Variants in CHID1 observed in about 807,000 individuals in gnomAD.
CHID1 encodes chitinase domain-containing protein 1.
CHID1 carries 44 observed loss-of-function variants against 55.4 expected under a neutral mutation model. That is an observed-to-expected ratio of 0.79 (90% CI 0.62 to 1.02). The LOEUF (loss-of-function observed/expected upper bound fraction) is 1.02. CHID1 is among the 50% of genes least tolerant of loss of function. The pLI is 0.00. For synonymous variants in CHID1, 216 were observed against 212.9 expected (o/e 1.01, Z -0.13); for missense variants, 491 against 515.3 (o/e 0.95, Z 0.46).
intron 8 of CHID1, among the ~76,000 whole-genome samples, chr11:888,640 C>CG (rs1565179987): frequency 1.3e-5 from 2 of 152,328 alleles, no homozygotes; most frequent in South Asian, 4.1e-4. Flanking sequence ...ACGAAAGCCC[C>CG]GGGAGGAAGG....
chr11:888,255 G>A (rs540327370), intron 8 of CHID1, among the ~76,000 whole-genome samples: 2 of 152,370 alleles, frequency 1.3e-5, no homozygotes, highest in African/African-American at 2.4e-5. Flanking sequence ...ATTCAGAGGC[G>A]GAAGCAGCTC....
At chr11:899,235 G>C (rs943873528) in intron 7 of CHID1, 105 bp downstream of exon 7, 1 of 1,098,124 alleles carries the variant, frequency 9.1e-7, no homozygotes, top group African/African-American at 1.6e-5. Context: ...CAGGCACAGG[G>C]ACTGTGGAAG....
intron 8 of CHID1, among the ~76,000 whole-genome samples, chr11:884,780 C>T (rs7479942): frequency 0.44 from 67,291 of 152,166 alleles, 15,641 homozygotes; most frequent in Admixed American, 0.52. Flanking sequence ...AGGTGGTCGG[C>T]TGCGGACACC....
intron 7 of CHID1, among the ~76,000 whole-genome samples, chr11:894,580 C>T (rs1178821231): frequency 2.6e-5 from 4 of 152,220 alleles, no homozygotes; most frequent in Non-Finnish European, 5.9e-5. Context: ...AGGAGACTGT[C>T]ACTCTCACGC....
intron 5 of CHID1, among the ~76,000 whole-genome samples, chr11:900,652 T>A (rs1347658377): frequency 1.3e-5 from 2 of 151,912 alleles, no homozygotes; most frequent in Non-Finnish European, 2.9e-5. Flanking sequence ...ATCATGTGAA[T>A]GAAGGAAGAA....
chr11:907,370 A>G (rs1272487093), intron 1 of CHID1, among the ~76,000 whole-genome samples: 1 of 151,942 alleles, frequency 6.6e-6, no homozygotes, highest in East Asian at 1.9e-4. Flanking sequence ...AGTCCCAGCT[A>G]TTCGAGAGGC....
chr11:890,365 T>G (rs984287358), intron 8 of CHID1, among the ~76,000 whole-genome samples: 1 of 152,224 alleles, frequency 6.6e-6, no homozygotes, highest in African/African-American at 2.4e-5. Context: ...GGCGCCCCCA[T>G]GCGTCACCTT....
intron 1 of CHID1, among the ~76,000 whole-genome samples, chr11:906,855 C>T (rs180933384): frequency 6.6e-6 from 1 of 151,982 alleles, no homozygotes; most frequent in Non-Finnish European, 1.5e-5. Flanking sequence ...ATGGACAAAC[C>T]CTGTCTCTAC....
chr11:876,754 G>GT (rs1437937655), intron 10 of CHID1, among the ~76,000 whole-genome samples: 1 of 152,204 alleles, frequency 6.6e-6, no homozygotes, highest in Admixed American at 6.5e-5. Context: ...CTTGGCAGCC[G>GT]TTTATTTATT....
rs1378154990 is a variant in CHID1, at chr11:869,874, A to T, written c.1166T>A (p.Phe389Tyr). 2 of 1,613,072 alleles carry T rather than the reference A, an allele frequency of 1.2e-6. No homozygotes were observed. Among genetic ancestry groups the T allele is most frequent in the Admixed American group, 1.7e-5 (1 of 60,020 alleles). ...AATGCCCACCTAGAGCAGGTCGTAG[A>T]AGTAGTCCAGGCCCTGGCCCAGCTC... The part of the protein sequence containing the change: ...IWELGQGLDY[F>Y]YDLL Residue 389 changes from phenylalanine (F) to tyrosine (Y), a missense_variant, in exon 13 of 13, where the codon TTC becomes TAC. Phe to Tyr is a conservative substitution (Grantham distance 22). Coordinates refer to ENST00000323578, the MANE Select transcript of CHID1 (RefSeq NM_023947.4).
intron 7 of CHID1, among the ~76,000 whole-genome samples, chr11:898,801 G>A (rs890181967): frequency 1.3e-5 from 2 of 152,216 alleles, no homozygotes; most frequent in Non-Finnish European, 2.9e-5. Flanking sequence ...CTCTGATGTG[G>A]CAAAAGGAGG....
intron 10 of CHID1, among the ~76,000 whole-genome samples, chr11:880,847 T>C (rs532463846): frequency 6.6e-6 from 1 of 152,312 alleles, no homozygotes; most frequent in East Asian, 1.9e-4. Flanking sequence ...TAAAACTGTT[T>C]CTAAGAAACT....
chr11:893,464 G>A lies in CHID1; in HGVS notation c.664C>T (p.Leu222=), dbSNP rs1299119560. Reference sequence around the variant, plus strand: ...GCAGGCGGGATGACCAGGAGGGCCAGCAGCCGGGCCTGGTGCAGAGCCTCG... The same window carrying A: ...GCAGGCGGGATGACCAGGAGGGCCAACAGCCGGGCCTGGTGCAGAGCCTCG... ...LAEALHQARL[L]ALLVIPPAIT... is the part of the protein sequence containing the mutation. The change falls in exon 8 of 13, where the codon CTG becomes TTG. Residue 222 remains leucine, a synonymous_variant. Coordinates refer to ENST00000323578, the MANE Select transcript of CHID1 (RefSeq NM_023947.4). 20 of 1,551,822 alleles carry A rather than the reference G, an allele frequency of 1.3e-5. No individual in the cohort carries two copies. The highest frequency in any genetic ancestry group is 1.5e-5 in the Non-Finnish European group (17 of 1,147,380).
intron 8 of CHID1, among the ~76,000 whole-genome samples, chr11:888,001 G>A (rs558998191): frequency 3.3e-5 from 5 of 152,168 alleles, no homozygotes; most frequent in African/African-American, 1.2e-4. Context: ...GCAGCTCCAC[G>A]ACATCCCCAA....
At position 899,399 on chromosome 11, in the gene CHID1, G is replaced by A; in HGVS notation, c.549C>T (p.Asn183=). Reference sequence around the variant, plus strand: ...CCACCACGAAGCCATCGAAATGCTGGTTCTGAAAGAAGCAGTCACAGGTGA... The same window carrying A: ...CCACCACGAAGCCATCGAAATGCTGATTCTGAAAGAAGCAGTCACAGGTGA... ...LSKTVVQVAK[N]QHFDGFVVEV... is the part of the protein sequence containing the mutation. Residue 183 remains asparagine (N), a splice_region_variant and synonymous_variant, in exon 7 of 13, where the codon AAC becomes AAT. Coordinates refer to ENST00000323578, the MANE Select transcript of CHID1 (RefSeq NM_023947.4). 4.4e-6 allele frequency: 7 copies of A among 1,600,854 alleles called. No individual in the cohort carries two copies. Among genetic ancestry groups the A allele is most frequent in the Non-Finnish European group, 6.0e-6 (7 of 1,173,506 alleles).
chr11:894,406 G>A (rs1040548934), intron 7 of CHID1, among the ~76,000 whole-genome samples: 23 of 152,318 alleles, frequency 1.5e-4, no homozygotes, highest in African/African-American at 5.5e-4. Flanking sequence ...CACGGCCTAG[G>A]AGCAGCCGTC....
At chr11:902,082 T>A (rs1170631389) in intron 4 of CHID1, 116 bp downstream of exon 4, 11 of 1,161,558 alleles carry the variant, frequency 9.5e-6, no homozygotes, top group Non-Finnish European at 1.4e-5. Flanking sequence ...ACACACACAC[T>A]CCCATACAGA....
intron 1 of CHID1, among the ~76,000 whole-genome samples, chr11:907,391 G>T (rs569333319): frequency 5.9e-4 from 90 of 151,984 alleles, no homozygotes; most frequent in African/African-American, 2.1e-3. Context: ...TGAAGCAGGA[G>T]AATGGTGTGA....
At position 883,093 on chromosome 11, in the gene CHID1, C is replaced by T. The variant is rs933617445; in HGVS notation, c.959+55G>A. Reference sequence around the variant, plus strand: ...CCATCACTCTGTCTCCTTACACCCACACCCACCCGCGCCCAGTGACACCTT... The same window carrying T: ...CCATCACTCTGTCTCCTTACACCCATACCCACCCGCGCCCAGTGACACCTT... On this transcript the variant is annotated intron_variant, in intron 10 of 12. Transcript: ENST00000323578. The T allele has an allele frequency of 3.8e-6, 6 of 1,564,824 alleles. No individual in the cohort carries two copies. In the African/African-American group the frequency reaches 4.0e-5, roughly 11 times the overall value.
Sources: allele counts gnomAD v4.1 joint callset (sites outside exome capture counted in the v4.1 genomes callset), GRCh38; gene constraint gnomAD v4.1.1; transcripts MANE v1.5; gene names NCBI Gene and HGNC (gene_info 2026-07-23, HGNC 2026-07-21).